TBC1D16: variants seen among roughly 807,000 people sequenced by gnomAD.
TBC1D16 encodes TBC1 domain family member 16, also known as CTD-2529O21.1.
In TBC1D16, 58 loss-of-function variants were observed where a neutral mutation model predicts 74.7. The ratio of observed to expected loss-of-function variants is 0.78; its 90% CI spans 0.63 to 0.97. The LOEUF is 0.97. TBC1D16 is among the 50% of genes least tolerant of loss of function. The probability of loss-of-function intolerance (pLI) is 0.00; values close to 1 mark genes in which losing one functional copy is unlikely to be tolerated. For missense variants in TBC1D16, 1,014 were observed against 1,079.5 expected (o/e 0.94, Z 0.85); for synonymous variants, 493 against 474.7 (o/e 1.04, Z -0.50).
At chr17:80,021,648 C>T (rs1422783631) in intron 1 of TBC1D16, among the ~76,000 whole-genome samples, 1 of 148,758 alleles carries the variant, frequency 6.7e-6, no homozygotes, top group Admixed American at 6.6e-5. Context: ...TAGATACATA[C>T]ATCACGCACC....
intron 10 of TBC1D16, among the ~76,000 whole-genome samples, chr17:79,943,466 A>G (rs1376260273): frequency 1.3e-5 from 2 of 152,172 alleles, no homozygotes; most frequent in Non-Finnish European, 2.9e-5. Context: ...GATAGCATCA[A>G]AAGCCTTTCT....
At position 79,938,621 on chromosome 17, in the gene TBC1D16, A is replaced by T. The variant is rs1318198617; in HGVS notation, c.*2238T>A. On this transcript the variant is annotated 3_prime_UTR_variant, in exon 12 of 12. Coordinates refer to ENST00000310924, the MANE Select transcript of TBC1D16 (RefSeq NM_019020.4). ...GAAGGAGTGCTCCAAAGCAGGCATT[A>T]TTAGGACACAGACTCTCCAGAGTCC... is the stretch of plus-strand genomic sequence containing the variant. 3 of 152,242 alleles carry T rather than the reference A, an allele frequency of 2.0e-5. No homozygotes were observed. Among genetic ancestry groups the T allele is most frequent in the East Asian group, 3.9e-4 (2 of 5,192 alleles). 9.4% of individuals were successfully genotyped at this position (152,242 alleles called of 1,614,324 possible).
chr17:80,008,523 G>T lies in TBC1D16; in HGVS notation c.779+1637C>A, dbSNP rs1334683839. Among the ~76,000 whole-genome samples the T allele has an allele frequency of 6.6e-6, 1 of 152,176 alleles. No individual in the cohort carries two copies. Among genetic ancestry groups the T allele is most frequent in the Non-Finnish European group, 1.5e-5 (1 of 68,034 alleles). On this transcript the variant is annotated intron_variant, in intron 3 of 11. Transcript: ENST00000310924. The surrounding 1 kb of genome is among the most constrained non-coding windows in gnomAD (Gnocchi z 4.5). ...ACCTTCCCCTCGCCTGGGCCCTGGGGATGCAGGGACACGGGGACGCCTGCA... is the reference window on the plus strand; with the variant it reads ...ACCTTCCCCTCGCCTGGGCCCTGGGTATGCAGGGACACGGGGACGCCTGCA...
At chr17:79,966,774 T>A (rs1328089470) in intron 3 of TBC1D16, among the ~76,000 whole-genome samples, 1 of 152,224 alleles carries the variant, frequency 6.6e-6, no homozygotes, top group Non-Finnish European at 1.5e-5. Context: ...TATAAAACTT[T>A]AGATCCATTT....
Position 80,014,885 on chromosome 17 carries a change from A to G in TBC1D16, c.-62-1276T>C, listed in dbSNP as rs140430215. On this transcript the variant is annotated intron_variant, in intron 1 of 11. Transcript: ENST00000310924. ...GAGAACTTCTGCCCCGTGAGGACAC[A>G]TTCATGTGGGTAAGACGACCTGGGA... Among the ~76,000 whole-genome samples, 1,002 of 152,356 alleles carry G rather than the reference A, an allele frequency of 6.6e-3. 7 individuals are homozygous for G. The highest frequency in any genetic ancestry group is 9.9e-3 in the Non-Finnish European group (671 of 68,034).
At chr17:79,992,104 AC>A (rs2035087523) in intron 3 of TBC1D16, 1 of 152,176 alleles carries the variant, frequency 6.6e-6, no homozygotes, top group Non-Finnish European at 1.5e-5. Flanking sequence ...CCCCTCGTGG[AC>A]CCTACAAAGA....
At position 79,952,697 on chromosome 17, in the gene TBC1D16, C is replaced by T. The variant is rs546316882; in HGVS notation, c.901G>A (p.Val301Met). Residue 301 changes from valine (V) to methionine (M), a missense_variant, in exon 4 of 12, where the codon GTG becomes ATG. Coordinates refer to ENST00000310924, the MANE Select transcript of TBC1D16 (RefSeq NM_019020.4). ...AGGGAGCGCATGTGGCCCAGGTCCACGCGGAACACGCCGCAAATCTGCTCC... is the reference window on the plus strand; with the variant it reads ...AGGGAGCGCATGTGGCCCAGGTCCATGCGGAACACGCCGCAAATCTGCTCC... ...ALEQICGVFR[V>M]DLGHMRSLRL... 22 of 1,610,198 alleles carry T rather than the reference C, an allele frequency of 1.4e-5. No homozygotes were observed. Among genetic ancestry groups the T allele is most frequent in the Admixed American group, 1.0e-4 (6 of 59,880 alleles).
rs1306946372 is a variant in TBC1D16 at position 79,938,009 on chromosome 17, A to ATGGCCG, written c.*2844_*2849dup. The ATGGCCG allele has an allele frequency of 1.3e-5, 2 of 152,258 alleles. No homozygotes were observed. Among genetic ancestry groups the ATGGCCG allele is most frequent in the Admixed American group, 6.5e-5 (1 of 15,288 alleles). The allele number at this position is 152,258 out of a possible 1,614,324, so 9.4% of individuals were successfully genotyped here. On this transcript the variant is annotated 3_prime_UTR_variant, in exon 12 of 12. Coordinates refer to ENST00000310924, the MANE Select transcript of TBC1D16 (RefSeq NM_019020.4). ...GGTTAAATAAGCAGCATTGCTGAGG[A>ATGGCCG]TGGCCGTGCAGGGCTGATTATCCCC... is the stretch of plus-strand genomic sequence containing the variant.
rs1598419680 is a variant in TBC1D16, at chr17:80,008,535, C to T, written c.779+1625G>A. On this transcript the variant is annotated intron_variant, in intron 3 of 11. Transcript: ENST00000310924. This position sits in a 1 kb window ranked among gnomAD's most constrained non-coding sequence, Gnocchi z 4.5. ...CCTGGGCCCTGGGGATGCAGGGACA[C>T]GGGGACGCCTGCAGGTTCTGCTGCA... 1.3e-5 allele frequency among the ~76,000 whole-genome samples: 2 copies of T among 152,106 alleles called. No homozygotes were observed. Among genetic ancestry groups the T allele is most frequent in the East Asian group, 1.9e-4 (1 of 5,178 alleles).
Position 79,941,874 on chromosome 17 carries a change from C to T in TBC1D16, c.2055+186G>A, listed in dbSNP as rs12602775. On this transcript the variant is annotated intron_variant, in intron 11 of 11. Coordinates refer to ENST00000310924, the MANE Select transcript of TBC1D16 (RefSeq NM_019020.4). This position sits in a 1 kb window ranked among gnomAD's most constrained non-coding sequence, Gnocchi z 4.3. ...GCCAGGCCGAGACAGGTGCTGACCACGAGGCCTTAGTGGGGAGCCCCCAGT... is the reference window on the plus strand; with the variant it reads ...GCCAGGCCGAGACAGGTGCTGACCATGAGGCCTTAGTGGGGAGCCCCCAGT... Among the ~76,000 whole-genome samples the T allele has an allele frequency of 0.44, 66,716 of 150,604 alleles. 14,782 individuals are homozygous for T. Among genetic ancestry groups the T allele is most frequent in the Admixed American group, 0.5 (7,645 of 15,210 alleles).
intron 1 of TBC1D16, among the ~76,000 whole-genome samples, chr17:80,025,409 A>C (rs907389631): frequency 1.3e-5 from 2 of 149,954 alleles, no homozygotes; most frequent in African/African-American, 5.1e-5. Context: ...CATAAACACA[A>C]GTCAGCCACC....
chr17:80,010,194 T>C lies in TBC1D16; in HGVS notation c.745A>G (p.Ser249Gly). Residue 249 changes from serine to glycine, a missense_variant, in exon 3 of 12, where the codon AGC becomes GGC. Ser to Gly is a moderately conservative substitution (Grantham distance 56). Transcript: ENST00000310924. The surrounding 1 kb of genome is among the most constrained non-coding windows in gnomAD (Gnocchi z 8.8). ...CTTTCCAGAAACACGGAGCCGCGGCTCTCGGCCAGCGCCGCGCTGATGGGC... is the reference window on the plus strand; with the variant it reads ...CTTTCCAGAAACACGGAGCCGCGGCCCTCGGCCAGCGCCGCGCTGATGGGC... Reference protein sequence around the residue: ...LSPISAALAESRGSVFLESDS... With the variant: ...LSPISAALAEGRGSVFLESDS... 1 of 1,612,256 alleles carries C rather than the reference T, an allele frequency of 6.2e-7. No homozygotes were observed. The highest frequency in any genetic ancestry group is 1.1e-5 in the South Asian group (1 of 90,884).
At chr17:79,960,778 C>CAAAAAA (rs1433555447) in intron 3 of TBC1D16, among the ~76,000 whole-genome samples, 1 of 23,150 alleles carries the variant, frequency 4.3e-5, no homozygotes, top group African/African-American at 2.5e-4. Context: ...AAACAAAAAC[C>CAAAAAA]CAAAAAAAAA....
intron 3 of TBC1D16, among the ~76,000 whole-genome samples, chr17:79,968,709 C>T (rs1024707199): frequency 3.3e-5 from 5 of 151,668 alleles, no homozygotes; most frequent in African/African-American, 1.2e-4. Context: ...AAAAATTAGC[C>T]GGGCATTGTG....
chr17:80,002,998 A>G (rs149235591), intron 3 of TBC1D16, among the ~76,000 whole-genome samples: 363 of 152,232 alleles, frequency 2.4e-3, no homozygotes, highest in South Asian at 9.1e-3. Flanking sequence ...AGTCTCTTCC[A>G]CCTGCAGGTG....
intron 1 of TBC1D16, among the ~76,000 whole-genome samples, chr17:80,024,527 G>GGCA (rs2036451498): frequency 2.3e-5 from 3 of 129,528 alleles, no homozygotes; most frequent in Admixed American, 1.5e-4. Flanking sequence ...CGCACACCAT[G>GGCA]CACACACCAC....
In TBC1D16 at chr17:79,944,919, C is replaced by A. The variant is rs536469987; in HGVS notation, c.1897G>T (p.Ala633Ser). 7.7e-6 allele frequency: 12 copies of A among 1,550,506 alleles called. No homozygotes were observed. The highest frequency in any genetic ancestry group is 1.4e-5 in the African/African-American group (1 of 73,312). ...EALRIWEACW[A>S]HYQTDYFHLF... Reference sequence around the variant, plus strand: ...CCTGCCCTGGTCACCTGGTAGTGGGCCCAGCAGGCCTCCCAGATCCGCAGC... The same window carrying A: ...CCTGCCCTGGTCACCTGGTAGTGGGACCAGCAGGCCTCCCAGATCCGCAGC... Residue 633 changes from alanine to serine, a missense_variant, in exon 10 of 12, where the codon GCC becomes TCC. By Grantham distance (99) the Ala-to-Ser change is moderately conservative. Transcript: ENST00000310924. The surrounding 1 kb of genome is among the most constrained non-coding windows in gnomAD (Gnocchi z 7.7).
intron 10 of TBC1D16, among the ~76,000 whole-genome samples, chr17:79,942,934 C>T (rs1359665469): frequency 2.0e-5 from 3 of 152,268 alleles, no homozygotes; most frequent in South Asian, 2.1e-4. Context: ...AGGAAGCCCA[C>T]GCCAGGTCCT....
Position 79,950,427 on chromosome 17 carries a change from T to A in TBC1D16, c.1241A>T (p.Glu414Val), listed in dbSNP as rs747366463. 6.2e-7 allele frequency: 1 copy of A among 1,610,894 alleles called. No homozygotes were observed. Among genetic ancestry groups the A allele is most frequent in the Non-Finnish European group, 8.5e-7 (1 of 1,179,218 alleles). The change falls in exon 6 of 12, where the codon GAG becomes GTG. Residue 414 changes from glutamate (E) to valine (V), a missense_variant. Transcript: ENST00000310924. The surrounding 1 kb of genome is among the most constrained non-coding windows in gnomAD (Gnocchi z 4.6). ...GGACCTCACCTTCCGCAGCTTGTAC[T>A]CCTCCTCCACCTGGCCCAGCTCATT... ...HLNELGQVEEEYKLRKAIFFG... is the reference protein window; with the variant it reads ...HLNELGQVEEVYKLRKAIFFG...
Sources: gnomAD v4.1 joint callset for allele counts (sites outside exome capture counted in the v4.1 genomes callset) on GRCh38, gnomAD v4.1.1 for gene constraint, Gnocchi (gnomAD v3.1) non-coding constraint, MANE v1.5 for transcripts, NCBI Gene and HGNC (gene_info 2026-07-23, HGNC 2026-07-21) for gene names.